The following PDE4D variants were observed in gnomAD, a reference collection of about 807,000 sequenced individuals.
PDE4D encodes the protein 3',5'-cyclic-AMP phosphodiesterase 4D.
A neutral mutation model predicts 87.4 loss-of-function variants in PDE4D; 24 were observed. The ratio of observed to expected loss-of-function variants is 0.27; its 90% CI spans 0.20 to 0.39. The LOEUF (loss-of-function observed/expected upper bound fraction) is 0.39, where lower values mean the gene tolerates loss of function less well. PDE4D is among the 10% of genes least tolerant of loss of function. The pLI is 1.00. For missense variants in PDE4D, 714 were observed against 1,041.0 expected, an observed-to-expected ratio of 0.69 and a Z score of 4.32; for synonymous variants, 384 against 383.2, an observed-to-expected ratio of 1.00 and a Z score of -0.02.
chr5:59,572,613 TG>T (rs1822053684), intron 1 of PDE4D, among the ~76,000 whole-genome samples: 1 of 152,168 alleles, frequency 6.6e-6, no homozygotes, highest in Non-Finnish European at 1.5e-5. Context: ...CCCGAGTAGC[TG>T]GGACTACAGG....
intron 1 of PDE4D, among the ~76,000 whole-genome samples, chr5:59,443,464 G>C (rs1350055783): frequency 6.6e-6 from 1 of 152,152 alleles, no homozygotes; most frequent in African/African-American, 2.4e-5. Context: ...TGAACAGCAT[G>C]TTCCATTTAG....
chr5:59,974,904 C>A (rs773735361), intron 3 of PDE4D, among the ~76,000 whole-genome samples: 9 of 152,076 alleles, frequency 5.9e-5, no homozygotes, highest in Non-Finnish European at 1.2e-4. Context: ...CTCAGCCTTG[C>A]CACCAAAAAG....
At chr5:59,335,405 A>G (rs1777486876) in intron 1 of PDE4D, among the ~76,000 whole-genome samples, 2 of 152,308 alleles carry the variant, frequency 1.3e-5, no homozygotes, top group African/African-American at 4.8e-5. Context: ...GAGGATGGCA[A>G]AGAACTGCAT....
At chr5:59,358,476 A>G (rs966975036) in intron 1 of PDE4D, among the ~76,000 whole-genome samples, 5 of 152,234 alleles carry the variant, frequency 3.3e-5, no homozygotes, top group African/African-American at 1.2e-4. Context: ...AGGTGCTTAC[A>G]CTGATGCCAA....
intron 1 of PDE4D, among the ~76,000 whole-genome samples, chr5:59,509,049 G>C (rs1809798784): frequency 6.6e-6 from 1 of 151,810 alleles, no homozygotes; most frequent in Non-Finnish European, 1.5e-5. Flanking sequence ...ATAAATAAAA[G>C]ACACCAACAC....
intron 1 of PDE4D, among the ~76,000 whole-genome samples, chr5:59,879,221 A>G (rs1265374819): frequency 6.6e-6 from 1 of 152,262 alleles, no homozygotes; most frequent in Non-Finnish European, 1.5e-5. Context: ...AGTTTTAAAA[A>G]ATTCAAAACT....
chr5:60,186,798 T>G (rs1447306708), intron 1 of PDE4D, among the ~76,000 whole-genome samples: 1 of 152,150 alleles, frequency 6.6e-6, no homozygotes, highest in Non-Finnish European at 1.5e-5. Context: ...CAAAGTAGTA[T>G]GAATTATACA....
intron 1 of PDE4D, among the ~76,000 whole-genome samples, chr5:60,438,746 A>C (rs1357875931): frequency 1.3e-5 from 2 of 152,112 alleles, no homozygotes; most frequent in South Asian, 4.1e-4. Flanking sequence ...GGAAATAAAC[A>C]TATTAATAGG....
chr5:60,355,693 A>G (rs1205076450), intron 1 of PDE4D, among the ~76,000 whole-genome samples: 2 of 151,918 alleles, frequency 1.3e-5, no homozygotes, highest in Non-Finnish European at 2.9e-5. Flanking sequence ...TTTGTATATT[A>G]TATATATATT....
intron 2 of PDE4D, among the ~76,000 whole-genome samples, chr5:60,008,743 C>T (rs1764725096): frequency 6.6e-6 from 1 of 152,008 alleles, no homozygotes; most frequent in Non-Finnish European, 1.5e-5. Flanking sequence ...TCTGTAACTA[C>T]CACCTAAACC....
At chr5:59,647,472 T>A (rs78475409) in intron 1 of PDE4D, among the ~76,000 whole-genome samples, 9 of 149,800 alleles carry the variant, frequency 6.0e-5, no homozygotes, top group African/African-American at 1.5e-4. Flanking sequence ...TTTTTTTTTT[T>A]AATTAAAATA....
chr5:60,018,296 G>C (rs1181484769), intron 2 of PDE4D, among the ~76,000 whole-genome samples: 1 of 152,114 alleles, frequency 6.6e-6, no homozygotes, highest in Admixed American at 6.6e-5. Flanking sequence ...CAAATGATGA[G>C]GGAATTAGTC....
At chr5:59,970,483 T>C (rs1466873873) in intron 3 of PDE4D, among the ~76,000 whole-genome samples, 1 of 152,050 alleles carries the variant, frequency 6.6e-6, no homozygotes, top group African/African-American at 2.4e-5. Context: ...ATATCCAGAA[T>C]CTACAATGAA....
At chr5:59,741,764 A>T (rs1177466368) in intron 1 of PDE4D, among the ~76,000 whole-genome samples, 4 of 152,164 alleles carry the variant, frequency 2.6e-5, no homozygotes, top group Non-Finnish European at 1.5e-5. Flanking sequence ...ACATTCTCTT[A>T]GTAAAATACA....
At chr5:59,132,878 C>T (rs13176291) in intron 5 of PDE4D, among the ~76,000 whole-genome samples, 43,990 of 151,996 alleles carry the variant, frequency 0.29, 6,478 homozygotes, top group South Asian at 0.42. Flanking sequence ...GATTTGACAA[C>T]GGTAACAAGT....
intron 11 of PDE4D, among the ~76,000 whole-genome samples, chr5:58,984,480 A>G (rs1355222020): frequency 6.6e-6 from 1 of 152,228 alleles, no homozygotes; most frequent in African/African-American, 2.4e-5. Context: ...CTCTGTAGCT[A>G]TATCTATATA....
chr5:60,219,299 AC>A lies in PDE4D; in HGVS notation c.-89-33613del, dbSNP rs1260807268. On this transcript the variant is annotated intron_variant, in intron 1 of 16. Transcript: ENST00000502484. ...GAATTGTTGTTACAATAGATGTATG[AC>A]TTTTGTCAATTTGTTTTGAGAAGTG... Among the ~76,000 whole-genome samples, 5 of 152,254 alleles carry A rather than the reference AC, an allele frequency of 3.3e-5. No individual in the cohort carries two copies. The East Asian group carries it at 9.7e-4, about 29-fold the overall frequency.
intron 6 of PDE4D, among the ~76,000 whole-genome samples, chr5:59,037,297 G>C (rs1758695060): frequency 6.6e-6 from 1 of 152,156 alleles, no homozygotes; most frequent in African/African-American, 2.4e-5. Context: ...ACATTGCTAA[G>C]TGGCTTTTGA....
intron 2 of PDE4D, among the ~76,000 whole-genome samples, chr5:60,023,251 T>C (rs188407193): frequency 9.2e-5 from 14 of 152,334 alleles, no homozygotes; most frequent in Non-Finnish European, 1.6e-4. Flanking sequence ...GCAGCTATTA[T>C]AGCATTCAGC....
Sources: allele counts gnomAD v4.1 joint callset (sites outside exome capture counted in the v4.1 genomes callset), GRCh38; gene constraint gnomAD v4.1.1; transcripts MANE v1.5; gene names NCBI Gene and HGNC (gene_info 2026-07-23, HGNC 2026-07-21).